The following PIP4K2B variants were observed in gnomAD, a reference collection of about 807,000 sequenced individuals.
The protein encoded by PIP4K2B is phosphatidylinositol 5-phosphate 4-kinase type-2 beta.
In PIP4K2B, 3 loss-of-function variants were observed where a neutral mutation model predicts 42.0. The ratio of observed to expected loss-of-function variants is 0.07; its 90% CI spans 0.03 to 0.18. The LOEUF is 0.18. Among genes scored for constraint, PIP4K2B ranks in the 10% least tolerant of loss-of-function variants. PIP4K2B has a pLI of 1.00. For missense variants in PIP4K2B, 332 were observed against 562.3 expected, an observed-to-expected ratio of 0.59 and a Z score of 4.14; for synonymous variants, 204 against 210.1, an observed-to-expected ratio of 0.97 and a Z score of 0.25.
intron 2 of PIP4K2B, among the ~76,000 whole-genome samples, chr17:38,785,038 C>T (rs1239268180): frequency 6.6e-6 from 1 of 152,136 alleles, no homozygotes; most frequent in Non-Finnish European, 1.5e-5. Flanking sequence ...TCCACTGGGA[C>T]GTAGGAAAAG....
At chr17:38,794,103 G>T (rs1438946677) in intron 1 of PIP4K2B, among the ~76,000 whole-genome samples, 2 of 152,130 alleles carry the variant, frequency 1.3e-5, no homozygotes, top group African/African-American at 4.8e-5. Flanking sequence ...ATCAACAGAT[G>T]ATAAAGAAAA....
At chr17:38,777,872 G>A (rs913227987) in intron 6 of PIP4K2B, 72 bp from the exon 7 acceptor site, 3 of 1,034,336 alleles carry the variant, frequency 2.9e-6, no homozygotes, top group East Asian at 2.4e-5. Flanking sequence ...CTGTTCTGCC[G>A]GGAGCAACTA....
intron 7 of PIP4K2B, 60 bp from the exon 8 acceptor site, chr17:38,771,332 G>C (rs1190210066): frequency 3.2e-6 from 5 of 1,583,894 alleles, no homozygotes; most frequent in Non-Finnish European, 4.3e-6. Flanking sequence ...ACATCCCAGT[G>C]ACATCCAGAA....
At chr17:38,780,713 T>C (rs1909657199) in intron 3 of PIP4K2B, 109 bp from the exon 4 acceptor site, 4 of 1,038,334 alleles carry the variant, frequency 3.9e-6, no homozygotes, top group Non-Finnish European at 4.2e-6. Context: ...AACACTGAGA[T>C]AGAGGGACTC....
intron 1 of PIP4K2B, among the ~76,000 whole-genome samples, chr17:38,787,390 C>G (rs1910089762): frequency 1.3e-5 from 2 of 152,166 alleles, no homozygotes; most frequent in South Asian, 4.1e-4. Context: ...AAACTCTCCA[C>G]CTGATAAGGG....
chr17:38,779,325 C>A, intron 5 of PIP4K2B, 58 bp downstream of exon 5: 1 of 1,479,676 alleles, frequency 6.8e-7, no homozygotes. Context: ...GGAGTAGTGG[C>A]CCCTTCGGGG....
chr17:38,772,808 G>A (rs942744709), intron 7 of PIP4K2B, among the ~76,000 whole-genome samples: 1 of 152,108 alleles, frequency 6.6e-6, no homozygotes. Context: ...TCGAGCTCCT[G>A]ACCTCAAGTG....
At chr17:38,796,740 T>A (rs1910679909) in intron 1 of PIP4K2B, among the ~76,000 whole-genome samples, 2 of 152,166 alleles carry the variant, frequency 1.3e-5, no homozygotes, top group Admixed American at 1.3e-4. Context: ...GACATATCCA[T>A]CCTTCCTATC....
intron 2 of PIP4K2B, among the ~76,000 whole-genome samples, chr17:38,785,744 T>C (rs1289954236): frequency 1.3e-5 from 2 of 152,058 alleles, no homozygotes; most frequent in East Asian, 1.9e-4. Flanking sequence ...GGAATAAAGA[T>C]AGAAGAAAAT....
intron 4 of PIP4K2B, chr17:38,779,730 T>C: frequency 3.7e-6 from 2 of 536,846 alleles, no homozygotes; most frequent in Middle Eastern, 5.0e-4. Context: ...CCTGTTGGCA[T>C]GGCAGAGGGA....
chr17:38,780,613 C>G lies in PIP4K2B; in HGVS notation c.355-9G>C, dbSNP rs111482778. On this transcript the variant is annotated splice_polypyrimidine_tract_variant and intron_variant, in intron 3 of 9. Transcript: ENST00000619039. ...CTGCGCGTCACTGAATTCTGATAAT[C>G]GAGACAAAAGAAGGCTGGGCTTGGC... 6.2e-7 allele frequency: 1 copy of G among 1,605,726 alleles called. No individual in the cohort carries two copies.
intron 3 of PIP4K2B, among the ~76,000 whole-genome samples, chr17:38,781,402 G>C (rs895786446): frequency 6.6e-6 from 1 of 152,082 alleles, no homozygotes; most frequent in African/African-American, 2.4e-5. Flanking sequence ...GGGACCTCTG[G>C]GAAGCAACGG....
Position 38,779,351 on chromosome 17 carries a change from G to A in PIP4K2B, c.654+32C>T, listed in dbSNP as rs201642734. On this transcript the variant is annotated intron_variant, in intron 5 of 9. Transcript: ENST00000619039. ...CCCTTCGGGGCTCAGATAGAGGGGA[G>A]GCACAGCTCCGGCAAACACAGAGCC... 2.9e-3 allele frequency: 4,663 copies of A among 1,586,928 alleles called. 13 individuals are homozygous for A. Among genetic ancestry groups the A allele is most frequent in the Non-Finnish European group, 3.7e-3 (4,302 of 1,158,620 alleles).
chr17:38,793,437 T>G (rs1910449071), intron 1 of PIP4K2B, among the ~76,000 whole-genome samples: 1 of 150,112 alleles, frequency 6.7e-6, no homozygotes, highest in African/African-American at 2.5e-5. Context: ...AGAGACGGGG[T>G]TTCACCATGT....
Position 38,770,527 on chromosome 17 carries a change from T to A in PIP4K2B, c.1079A>T (p.Lys360Met). The A allele has an allele frequency of 6.3e-7, 1 of 1,595,038 alleles. No homozygotes were observed. The highest frequency in any genetic ancestry group is 8.6e-7 in the Non-Finnish European group (1 of 1,163,320). ...AATGATGGCCATGAAATACACCTCCTTCTTGGGGGAACCTGGAGGGACAAG... is the reference window on the plus strand; with the variant it reads ...AATGATGGCCATGAAATACACCTCCATCTTGGGGGAACCTGGAGGGACAAG... ...AMKSHESSPK[K>M]EVYFMAIIDI... is the part of the protein sequence containing the mutation. Residue 360 changes from lysine to methionine, a missense_variant, in exon 9 of 10, where the codon AAG becomes ATG. Physicochemically the swap from Lys to Met is moderately conservative, Grantham distance 95 (BLOSUM62 -1). Coordinates refer to ENST00000619039, the MANE Select transcript of PIP4K2B (RefSeq NM_003559.5).
At position 38,799,314 on chromosome 17, in the gene PIP4K2B, C is replaced by A; in HGVS notation, c.111G>T (p.Arg37=). 6.2e-7 allele frequency: 1 copy of A among 1,608,066 alleles called. No homozygotes were observed. Among genetic ancestry groups the A allele is most frequent in the Admixed American group, 1.7e-5 (1 of 59,616 alleles). ...GGACGCTGAGGATCGGCTCGCTGGC[C>A]CGGAATAGCTTCACTTTCTGGCACA... ...HFVCQKVKLF[R]ASEPILSVLM... Residue 37 remains arginine (R), a synonymous_variant, in exon 1 of 10, where the codon CGG becomes CGT. Transcript: ENST00000619039. This position sits in a 1 kb window ranked among gnomAD's most constrained non-coding sequence, Gnocchi z 4.4.
At chr17:38,786,957 AGGCCACCT>A (rs1208135286) in intron 1 of PIP4K2B, 37 bp from the exon 2 acceptor site, 15 of 1,335,574 alleles carry the variant, frequency 1.1e-5, no homozygotes, top group Non-Finnish European at 1.6e-5. Flanking sequence ...CTCAGCCAGG[AGGCCACCT>A]GCCTCAGAGA....
intron 2 of PIP4K2B, among the ~76,000 whole-genome samples, chr17:38,786,030 G>A (rs575042198): frequency 1.3e-5 from 2 of 152,304 alleles, no homozygotes; most frequent in Admixed American, 1.3e-4. Context: ...GGCAGAGGGA[G>A]GTCACTAAGG....
In PIP4K2B at chr17:38,799,239, TCA is replaced by T. The variant is rs1910823545; in HGVS notation, c.159+25_159+26del. Reference sequence around the variant, plus strand: ...GGCGTGGGAGCGCGCGGGGCCGCGCTCAGAGGGGCGCGCAGGAGCTGGTTACC... The same window carrying T: ...GGCGTGGGAGCGCGCGGGGCCGCGCTGAGGGGCGCGCAGGAGCTGGTTACC... On this transcript the variant is annotated intron_variant, in intron 1 of 9. Transcript: ENST00000619039. The surrounding 1 kb of genome is among the most constrained non-coding windows in gnomAD (Gnocchi z 4.4). The T allele has an allele frequency of 6.4e-6, 10 of 1,567,602 alleles. No individual in the cohort carries two copies. The highest frequency in any genetic ancestry group is 1.4e-5 in the African/African-American group (1 of 72,110).
Sources: allele counts gnomAD v4.1 joint callset (sites outside exome capture counted in the v4.1 genomes callset), GRCh38; gene constraint gnomAD v4.1.1; non-coding constraint Gnocchi (gnomAD v3.1); transcripts MANE v1.5; gene names NCBI Gene and HGNC (gene_info 2026-07-23, HGNC 2026-07-21).